Variants in NAALADL2 observed in about 807,000 individuals in gnomAD.
NAALADL2 encodes the protein N-acetylated alpha-linked acidic dipeptidase like 2.
A neutral mutation model predicts 87.2 loss-of-function variants in NAALADL2; 76 were observed. The observed-to-expected ratio is 0.87, with a 90% CI of 0.72 to 1.05. The LOEUF (loss-of-function observed/expected upper bound fraction) is 1.05. Ranked by LOEUF, NAALADL2 falls within the 50% of genes least tolerant of loss-of-function variation. The probability of loss-of-function intolerance (pLI) is 0.00; values close to 1 mark genes in which losing one functional copy is unlikely to be tolerated. For missense variants in NAALADL2, 1,089 were observed against 945.8 expected (o/e 1.15, Z -1.99); for synonymous variants, 354 against 331.0 (o/e 1.07, Z -0.75).
At chr3:175,702,452 C>G (rs1739120579) in intron 11 of NAALADL2, among the ~76,000 whole-genome samples, 2 of 151,942 alleles carry the variant, frequency 1.3e-5, no homozygotes, top group South Asian at 2.1e-4. Flanking sequence ...GGGAGACTTA[C>G]TAGGCTTTAG....
At chr3:174,781,423 A>G (rs1214503676) in intron 3 of NAALADL2, among the ~76,000 whole-genome samples, 4 of 151,590 alleles carry the variant, frequency 2.6e-5, no homozygotes, top group Admixed American at 6.6e-5. Flanking sequence ...CACCATTCAG[A>G]CGTAGATTTG....
At chr3:174,604,624 T>TTG (rs142243487) in intron 2 of NAALADL2, among the ~76,000 whole-genome samples, 171 of 150,612 alleles carry the variant, frequency 1.1e-3, no homozygotes, top group South Asian at 4.2e-3. Flanking sequence ...TCATTTTCTG[T>TTG]TGTGTGTGTG....
chr3:175,284,791 A>G (rs1754780391), intron 4 of NAALADL2, among the ~76,000 whole-genome samples: 1 of 152,136 alleles, frequency 6.6e-6, no homozygotes, highest in Non-Finnish European at 1.5e-5. Context: ...CTTGTATTTG[A>G]GAACAAAGGT....
intron 11 of NAALADL2, among the ~76,000 whole-genome samples, chr3:175,665,217 G>A (rs1732793453): frequency 6.6e-6 from 1 of 152,142 alleles, no homozygotes; most frequent in Non-Finnish European, 1.5e-5. Context: ...TGTATGCAAG[G>A]TGACACAGAG....
intron 13 of NAALADL2, among the ~76,000 whole-genome samples, chr3:175,780,588 G>A (rs1191416927): frequency 6.6e-6 from 1 of 152,072 alleles, no homozygotes; most frequent in East Asian, 1.9e-4. Flanking sequence ...GGGCAAAGCT[G>A]GTATGGTTTA....
chr3:174,841,737 A>C (rs534063956), intron 3 of NAALADL2, among the ~76,000 whole-genome samples: 2 of 152,310 alleles, frequency 1.3e-5, no homozygotes, highest in East Asian at 3.9e-4. Flanking sequence ...AAATGATGGA[A>C]ATCATCCTAT....
At chr3:175,359,646 G>A (rs904353099) in intron 5 of NAALADL2, among the ~76,000 whole-genome samples, 6 of 152,034 alleles carry the variant, frequency 3.9e-5, no homozygotes, top group Non-Finnish European at 7.4e-5. Context: ...TTATTTATGA[G>A]TAGTAACAAT....
chr3:175,724,861 A>G (rs563850975), intron 11 of NAALADL2, among the ~76,000 whole-genome samples: 1 of 152,164 alleles, frequency 6.6e-6, no homozygotes, highest in South Asian at 2.1e-4. Flanking sequence ...CTATAATAAA[A>G]CAGAGGTTTA....
intron 5 of NAALADL2, among the ~76,000 whole-genome samples, chr3:175,326,911 C>T (rs532471976): frequency 4.4e-4 from 67 of 152,226 alleles, no homozygotes; most frequent in African/African-American, 1.5e-3. Context: ...CTGTGGGGTA[C>T]ACATCCAAAT....
intron 1 of NAALADL2, among the ~76,000 whole-genome samples, chr3:174,950,809 G>T (rs1740228502): frequency 6.6e-6 from 1 of 151,840 alleles, no homozygotes; most frequent in African/African-American, 2.4e-5. Flanking sequence ...ATAGAAATAT[G>T]GTCAAACTGA....
intron 3 of NAALADL2, among the ~76,000 whole-genome samples, chr3:175,252,346 C>T (rs1041822086): frequency 1.3e-5 from 2 of 152,068 alleles, no homozygotes; most frequent in Admixed American, 6.6e-5. Context: ...TATCTGTGAT[C>T]AGTAATCTCA....
chr3:175,126,612 A>G (rs1453057958), intron 2 of NAALADL2, among the ~76,000 whole-genome samples: 1 of 152,170 alleles, frequency 6.6e-6, no homozygotes, highest in Non-Finnish European at 1.5e-5. Context: ...GATAATGGAG[A>G]GCTTTATTGT....
At chr3:174,556,813 T>A (rs1255162533) in intron 2 of NAALADL2, among the ~76,000 whole-genome samples, 1 of 152,186 alleles carries the variant, frequency 6.6e-6, no homozygotes, top group Non-Finnish European at 1.5e-5. Flanking sequence ...CAATCATGGC[T>A]TACTGCAGCC....
At chr3:175,567,303 T>A (rs1247625463) in intron 9 of NAALADL2, among the ~76,000 whole-genome samples, 1 of 152,092 alleles carries the variant, frequency 6.6e-6, no homozygotes, top group Non-Finnish European at 1.5e-5. Context: ...TGAAGGTCGG[T>A]TGTTGAGGGA....
At chr3:175,328,635 G>A (rs1028341985) in intron 5 of NAALADL2, among the ~76,000 whole-genome samples, 26 of 152,016 alleles carry the variant, frequency 1.7e-4, no homozygotes, top group African/African-American at 5.6e-4. Context: ...TGCTTATATA[G>A]CAAAAAATCA....
intron 12 of NAALADL2, among the ~76,000 whole-genome samples, chr3:175,745,935 T>C (rs1238863547): frequency 6.6e-6 from 1 of 152,210 alleles, no homozygotes; most frequent in Non-Finnish European, 1.5e-5. Flanking sequence ...ATTTCTTAAA[T>C]AGCATTATCG....
At chr3:175,347,505 A>T (rs1376037726) in intron 5 of NAALADL2, among the ~76,000 whole-genome samples, 2 of 152,184 alleles carry the variant, frequency 1.3e-5, no homozygotes, top group African/African-American at 2.4e-5. Flanking sequence ...ACAATCACAC[A>T]GCTAAGCTAA....
At chr3:174,836,771 C>A (rs1723386136) in intron 3 of NAALADL2, among the ~76,000 whole-genome samples, 1 of 147,054 alleles carries the variant, frequency 6.8e-6, no homozygotes. Flanking sequence ...GTATATTTTA[C>A]CACAATTAAA....
chr3:174,663,766 C>T (rs912842506), intron 2 of NAALADL2, among the ~76,000 whole-genome samples: 3 of 150,488 alleles, frequency 2.0e-5, no homozygotes, highest in Admixed American at 6.7e-5. Context: ...CTTTCATTTA[C>T]TATATTCACT....
Sources: allele counts gnomAD v4.1 joint callset (sites outside exome capture counted in the v4.1 genomes callset), GRCh38; gene constraint gnomAD v4.1.1; transcripts MANE v1.5; gene names NCBI Gene and HGNC (gene_info 2026-07-23, HGNC 2026-07-21).